Variants in ANXA3 observed in about 807,000 individuals in gnomAD.
ANXA3 encodes the protein annexin A3.
ANXA3 carries 46 observed loss-of-function variants against 48.8 expected under a neutral mutation model. That is an observed-to-expected ratio of 0.94 (90% CI 0.74 to 1.21). The LOEUF (loss-of-function observed/expected upper bound fraction) is 1.21. Ranked by LOEUF, ANXA3 falls within the 50% of genes most tolerant of loss-of-function variation. ANXA3 has a pLI of 0.00. For missense variants in ANXA3, 383 were observed against 378.6 expected, an observed-to-expected ratio of 1.01 and a Z score of -0.10; for synonymous variants, 128 against 134.7, an observed-to-expected ratio of 0.95 and a Z score of 0.35.
chr4:78,604,212 A>G, intron 11 of ANXA3, 65 bp from the exon 12 acceptor site: 1 of 1,448,244 alleles, frequency 6.9e-7, no homozygotes, highest in Non-Finnish European at 9.3e-7. Flanking sequence ...TCTTATAAAT[A>G]TAGATCTCTA....
chr4:78,581,398 T>A lies in ANXA3; in HGVS notation c.199-779T>A, dbSNP rs563632360. Among the ~76,000 whole-genome samples the A allele has an allele frequency of 2.6e-5, 4 of 152,308 alleles. No homozygotes were observed. The East Asian group carries it at 7.7e-4, about 29-fold the overall frequency. ...TGCTCAAAACAATATCAATAGGTAA[T>A]GTCTGTAAGAGGCTAAATTCTAGTG... On this transcript the variant is annotated intron_variant, in intron 4 of 12. Transcript: ENST00000264908.
At chr4:78,566,678 A>T (rs1050362269) in intron 2 of ANXA3, among the ~76,000 whole-genome samples, 1 of 17,792 alleles carries the variant, frequency 5.6e-5, no homozygotes, top group Non-Finnish European at 1.2e-4. Context: ...GGAGGGTGGG[A>T]GGGGCTAAGG....
At chr4:78,583,613 G>GAAAA (rs531781049) in intron 5 of ANXA3, among the ~76,000 whole-genome samples, 1 of 112,222 alleles carries the variant, frequency 8.9e-6, no homozygotes. Context: ...TGCTGTCTCA[G>GAAAA]AAAAAAAAAA....
chr4:78,558,813 T>C (rs1722568624), intron 2 of ANXA3, among the ~76,000 whole-genome samples: 1 of 152,190 alleles, frequency 6.6e-6, no homozygotes, highest in South Asian at 2.1e-4. Context: ...GAGTCCCTTG[T>C]CATATGTTGC....
intron 4 of ANXA3, among the ~76,000 whole-genome samples, chr4:78,579,672 A>G (rs1420083672): frequency 6.6e-6 from 1 of 152,238 alleles, no homozygotes; most frequent in Non-Finnish European, 1.5e-5. Flanking sequence ...AAACTATATA[A>G]GAACAAGTAA....
At chr4:78,563,924 T>C (rs1722677208) in intron 2 of ANXA3, among the ~76,000 whole-genome samples, 1 of 152,206 alleles carries the variant, frequency 6.6e-6, no homozygotes, top group Non-Finnish European at 1.5e-5. Flanking sequence ...AGAATAGCCA[T>C]GTTAGTCTTC....
rs565448824 is a variant in ANXA3, at chr4:78,610,226, C to T, written c.*111C>T. 15 of 626,570 alleles carry T rather than the reference C, an allele frequency of 2.4e-5. No individual in the cohort carries two copies. In the South Asian group the frequency reaches 4.5e-4, roughly 19 times the overall value. The allele number at this position is 626,570 out of a possible 1,614,324, so 38.8% of individuals were successfully genotyped here. On this transcript the variant is annotated 3_prime_UTR_variant, in exon 13 of 13. Transcript: ENST00000264908. ...CAAATATAAACAGCAACTTGTGTTC[C>T]TAACAGGAATTTTCATTGTTCTATA... is the stretch of plus-strand genomic sequence containing the variant.
At chr4:78,585,075 A>G (rs1232516109) in intron 5 of ANXA3, among the ~76,000 whole-genome samples, 1 of 152,228 alleles carries the variant, frequency 6.6e-6, no homozygotes, top group Non-Finnish European at 1.5e-5. Context: ...CCTCAGTGTG[A>G]ACTTTGGTAG....
intron 3 of ANXA3, among the ~76,000 whole-genome samples, chr4:78,574,871 A>G (rs762901877): frequency 1.3e-5 from 2 of 152,248 alleles, no homozygotes; most frequent in African/African-American, 4.8e-5. Flanking sequence ...CTAGAATATG[A>G]CAAGAACTGG....
intron 6 of ANXA3, among the ~76,000 whole-genome samples, chr4:78,589,997 T>C (rs746871519): frequency 6.6e-6 from 1 of 152,220 alleles, no homozygotes; most frequent in Non-Finnish European, 1.5e-5. Flanking sequence ...TACTCTACTG[T>C]GCCTCAAAAT....
intron 2 of ANXA3, among the ~76,000 whole-genome samples, chr4:78,568,052 G>A (rs1010319161): frequency 6.6e-6 from 1 of 151,768 alleles, no homozygotes; most frequent in East Asian, 1.9e-4. Context: ...TGGATTGGGG[G>A]CCTGCCACTG....
chr4:78,594,984 A>G lies in ANXA3; in HGVS notation c.484-397A>G, dbSNP rs958694263. Reference sequence around the variant, plus strand: ...TCCCATCTCTAAAAAAAATTTTTAAATTAGCTGTGTGTGGTGGTGTGCACC... The same window carrying G: ...TCCCATCTCTAAAAAAAATTTTTAAGTTAGCTGTGTGTGGTGGTGTGCACC... On this transcript the variant is annotated intron_variant, in intron 7 of 12. Coordinates refer to ENST00000264908, the MANE Select transcript of ANXA3 (RefSeq NM_005139.3). 3.3e-5 allele frequency among the ~76,000 whole-genome samples: 5 copies of G among 152,238 alleles called. No individual in the cohort carries two copies. The Middle Eastern group carries it at 0.01, about 311-fold the overall frequency.
intron 12 of ANXA3, among the ~76,000 whole-genome samples, chr4:78,609,322 C>T (rs1723710360): frequency 1.3e-5 from 2 of 152,172 alleles, no homozygotes; most frequent in African/African-American, 4.8e-5. Context: ...GCATCTTACA[C>T]AATCCAGGTT....
intron 3 of ANXA3, among the ~76,000 whole-genome samples, chr4:78,577,420 G>A (rs1434370897): frequency 2.6e-5 from 4 of 152,174 alleles, no homozygotes; most frequent in African/African-American, 7.2e-5. Flanking sequence ...AGAATGTGCT[G>A]AGTTTCAGAT....
At chr4:78,593,522 A>T (rs1254815469) in intron 7 of ANXA3, among the ~76,000 whole-genome samples, 7 of 149,296 alleles carry the variant, frequency 4.7e-5, no homozygotes, top group South Asian at 4.2e-4. Flanking sequence ...TTTTTTTTTT[A>T]AATAAACTTT....
At chr4:78,586,194 A>C (rs373898803) in intron 5 of ANXA3, 66 bp from the exon 6 acceptor site, 12 of 1,272,848 alleles carry the variant, frequency 9.4e-6, no homozygotes, top group Non-Finnish European at 1.4e-5. Context: ...CAAGATAATA[A>C]GACCAAAAGG....
At chr4:78,568,825 T>G (rs1189942374) in intron 2 of ANXA3, among the ~76,000 whole-genome samples, 1 of 152,188 alleles carries the variant, frequency 6.6e-6, no homozygotes, top group Non-Finnish European at 1.5e-5. Flanking sequence ...AAGGATGATT[T>G]TAGAAGATCA....
At chr4:78,556,894 G>T (rs546217966) in intron 2 of ANXA3, among the ~76,000 whole-genome samples, 1 of 152,324 alleles carries the variant, frequency 6.6e-6, no homozygotes, top group East Asian at 1.9e-4. Flanking sequence ...ACCCAAGTGC[G>T]TGTGATCAAG....
chr4:78,559,336 G>A (rs938694243), intron 2 of ANXA3, among the ~76,000 whole-genome samples: 2 of 152,148 alleles, frequency 1.3e-5, no homozygotes, highest in Non-Finnish European at 2.9e-5. Flanking sequence ...ACCCACATTG[G>A]CCTTCGGAAG....
Sources: gnomAD v4.1 joint callset for allele counts (sites outside exome capture counted in the v4.1 genomes callset) on GRCh38, gnomAD v4.1.1 for gene constraint, MANE v1.5 for transcripts, NCBI Gene and HGNC (gene_info 2026-07-23, HGNC 2026-07-21) for gene names.